Variants in SLIT3 observed in about 807,000 individuals in gnomAD.
SLIT3 encodes slit homolog 3 protein.
SLIT3 carries 68 observed loss-of-function variants against 184.0 expected under a neutral mutation model. The ratio of observed to expected loss-of-function variants is 0.37; its 90% CI spans 0.30 to 0.45. The LOEUF is 0.45. Among genes scored for constraint, SLIT3 ranks in the 20% least tolerant of loss-of-function variants. The pLI is 1.00. For missense variants in SLIT3, 1,707 were observed against 2,026.0 expected, an observed-to-expected ratio of 0.84 and a Z score of 3.02; for synonymous variants, 831 against 828.6, an observed-to-expected ratio of 1.00 and a Z score of -0.05.
chr5:168,961,498 A>G (rs1763006448), intron 4 of SLIT3, among the ~76,000 whole-genome samples: 2 of 152,228 alleles, frequency 1.3e-5, no homozygotes, highest in African/African-American at 4.8e-5. Context: ...ATACAAGCAA[A>G]TAATATAAAA....
chr5:169,128,623 G>A (rs868546682), intron 4 of SLIT3, among the ~76,000 whole-genome samples: 1 of 152,012 alleles, frequency 6.6e-6, no homozygotes, highest in African/African-American at 2.4e-5. Context: ...TAGAGACGAG[G>A]TTTCACCATC....
intron 4 of SLIT3, among the ~76,000 whole-genome samples, chr5:168,988,746 G>A (rs1755217235): frequency 6.6e-6 from 1 of 152,068 alleles, no homozygotes; most frequent in African/African-American, 2.4e-5. Context: ...TCTCACTTTG[G>A]CACACTGGAG....
At chr5:169,100,936 CTG>C (rs1399845752) in intron 4 of SLIT3, among the ~76,000 whole-genome samples, 1 of 152,314 alleles carries the variant, frequency 6.6e-6, no homozygotes, top group African/African-American at 2.4e-5. Flanking sequence ...AAGTGTCCTT[CTG>C]TGTTTTTTAA....
chr5:168,906,946 C>T (rs1370472151), intron 4 of SLIT3, among the ~76,000 whole-genome samples: 1 of 151,062 alleles, frequency 6.6e-6, no homozygotes, highest in Non-Finnish European at 1.5e-5. Context: ...CTGCAACCTC[C>T]ACCTCCCAGG....
At chr5:168,721,898 C>T (rs567236861) in intron 23 of SLIT3, among the ~76,000 whole-genome samples, 5 of 152,182 alleles carry the variant, frequency 3.3e-5, no homozygotes, top group African/African-American at 7.2e-5. Flanking sequence ...GAATGATCAT[C>T]GAAACGTGGC....
intron 3 of SLIT3, among the ~76,000 whole-genome samples, chr5:169,197,032 G>T (rs984727813): frequency 2.0e-5 from 3 of 152,166 alleles, no homozygotes; most frequent in African/African-American, 7.2e-5. Flanking sequence ...TCAGTGAGTA[G>T]GGTGTTCGGT....
At chr5:168,711,575 A>C (rs1349712982) in intron 24 of SLIT3, among the ~76,000 whole-genome samples, 1 of 152,176 alleles carries the variant, frequency 6.6e-6, no homozygotes, top group East Asian at 1.9e-4. Context: ...TGAAAGTTTT[A>C]GAATATGCAT....
Position 169,035,682 on chromosome 5 carries a change from A to G in SLIT3, c.414-152346T>C, listed in dbSNP as rs28413471. Among the ~76,000 whole-genome samples the G allele has an allele frequency of 5.2e-3, 788 of 150,618 alleles. 2 individuals carry two copies. The highest frequency in any genetic ancestry group is 0.011 in the African/African-American group (459 of 40,840). Reference sequence around the variant, plus strand: ...AAAAAAAAAAAGAATTACCTCATTTACTCTTCACAACAAGACTACAAAGTG... The same window carrying G: ...AAAAAAAAAAAGAATTACCTCATTTGCTCTTCACAACAAGACTACAAAGTG... On this transcript the variant is annotated intron_variant, in intron 4 of 35. Transcript: ENST00000519560.
intron 4 of SLIT3, among the ~76,000 whole-genome samples, chr5:169,127,628 T>C (rs1490628311): frequency 6.6e-6 from 1 of 152,232 alleles, no homozygotes; most frequent in Admixed American, 6.5e-5. Context: ...TCAGATGCTA[T>C]TCTGGACATG....
chr5:169,167,744 A>G (rs1762687286), intron 4 of SLIT3, among the ~76,000 whole-genome samples: 1 of 151,992 alleles, frequency 6.6e-6, no homozygotes, highest in Admixed American at 6.6e-5. Context: ...CTGGTACCTG[A>G]ACTTCTGCTT....
chr5:169,279,748 G>C (rs1215521085), intron 1 of SLIT3, among the ~76,000 whole-genome samples: 3 of 152,168 alleles, frequency 2.0e-5, no homozygotes, highest in African/African-American at 7.2e-5. Context: ...TCTTGAATTG[G>C]ATTGCATGGG....
intron 4 of SLIT3, among the ~76,000 whole-genome samples, chr5:169,157,043 C>G (rs2113382453): frequency 6.6e-6 from 1 of 152,256 alleles, no homozygotes; most frequent in Non-Finnish European, 1.5e-5. Flanking sequence ...CTGGCCCCCC[C>G]CACCTCCACC....
chr5:169,177,188 A>G (rs6880399), intron 4 of SLIT3, among the ~76,000 whole-genome samples: 6,335 of 152,284 alleles, frequency 0.042, 174 homozygotes, highest in Non-Finnish European at 0.048. Context: ...GCTCTGAGCT[A>G]TTAGTCTATC....
chr5:169,068,953 T>C (rs1333609901), intron 4 of SLIT3, among the ~76,000 whole-genome samples: 2 of 152,218 alleles, frequency 1.3e-5, no homozygotes, highest in East Asian at 3.8e-4. Flanking sequence ...TATTGGGTGT[T>C]TCTTTTAGGT....
intron 4 of SLIT3, among the ~76,000 whole-genome samples, chr5:168,910,043 C>G (rs1159015773): frequency 1.3e-5 from 2 of 152,228 alleles, no homozygotes; most frequent in Admixed American, 1.3e-4. Flanking sequence ...GATTCCAAAG[C>G]TGAAAGCAGC....
intron 5 of SLIT3, among the ~76,000 whole-genome samples, chr5:168,859,586 G>A (rs1365150260): frequency 6.6e-6 from 1 of 152,216 alleles, no homozygotes; most frequent in African/African-American, 2.4e-5. Context: ...TTCAAGCAAT[G>A]TGGTTTTCAA....
intron 4 of SLIT3, among the ~76,000 whole-genome samples, chr5:168,978,420 C>T (rs1277248931): frequency 6.6e-6 from 1 of 152,130 alleles, no homozygotes; most frequent in African/African-American, 2.4e-5. Flanking sequence ...TGATTCAGAC[C>T]TAAGAGCCTT....
chr5:168,838,896 C>A (rs868746021), intron 6 of SLIT3, among the ~76,000 whole-genome samples: 2 of 152,180 alleles, frequency 1.3e-5, no homozygotes, highest in Non-Finnish European at 2.9e-5. Flanking sequence ...TCTCTCCTCT[C>A]TAAACGTGGG....
At chr5:168,666,924 A>G (rs773924613) in intron 35 of SLIT3, 7 of 667,598 alleles carry the variant, frequency 1.0e-5, no homozygotes, top group East Asian at 2.9e-5. Context: ...TAATGATGAC[A>G]AAAGCAGGCT....
Sources: allele counts gnomAD v4.1 joint callset (sites outside exome capture counted in the v4.1 genomes callset), GRCh38; gene constraint gnomAD v4.1.1; transcripts MANE v1.5; gene names NCBI Gene and HGNC (gene_info 2026-07-23, HGNC 2026-07-21).